Variants in LHFPL3 observed in about 807,000 individuals in gnomAD.
LHFPL3 encodes LHFPL tetraspan subfamily member 3.
In LHFPL3, 5 loss-of-function variants were observed where a neutral mutation model predicts 19.3. That is an observed-to-expected ratio of 0.26 (90% CI 0.14 to 0.54). The LOEUF (loss-of-function observed/expected upper bound fraction) is 0.54, where lower values mean the gene tolerates loss of function less well. Among genes scored for constraint, LHFPL3 ranks in the 20% least tolerant of loss-of-function variants. LHFPL3 has a pLI of 0.94. For missense variants in LHFPL3, 249 were observed against 307.4 expected, an observed-to-expected ratio of 0.81 and a Z score of 1.42; for synonymous variants, 133 against 126.2, an observed-to-expected ratio of 1.05 and a Z score of -0.36.
rs188497467 is a variant in LHFPL3 at position 104,556,002 on chromosome 7, C to T, written c.446-180673C>T. Among the ~76,000 whole-genome samples the T allele has an allele frequency of 2.0e-3, 305 of 152,330 alleles. 2 individuals carry two copies. Among genetic ancestry groups the T allele is most frequent in the Non-Finnish European group, 3.8e-3 (259 of 68,042 alleles). On this transcript the variant is annotated intron_variant, in intron 1 of 2. Coordinates refer to ENST00000424859, the MANE Select transcript of LHFPL3 (RefSeq NM_199000.3). ...TGATCTCCTTTGACTCCATGTCTCA[C>T]ATCCAGGTCACACTGATGCAAGAGG...
At position 104,565,790 on chromosome 7, in the gene LHFPL3, A is replaced by G. The variant is rs930575196; in HGVS notation, c.446-170885A>G. ...ATCTATCTAATCTATCTATCTGTCT[A>G]ATCTATCTATCATTCCCCACAATTT... is the stretch of plus-strand genomic sequence containing the variant. On this transcript the variant is annotated intron_variant, in intron 1 of 2. Transcript: ENST00000424859. 2.7e-5 allele frequency among the ~76,000 whole-genome samples: 4 copies of G among 149,692 alleles called. No individual in the cohort carries two copies. The East Asian group carries it at 7.9e-4, about 29-fold the overall frequency.
intron 1 of LHFPL3, among the ~76,000 whole-genome samples, chr7:104,343,087 C>A (rs1220418243): frequency 6.6e-6 from 1 of 150,788 alleles, no homozygotes; most frequent in Non-Finnish European, 1.5e-5. Flanking sequence ...TATGATAGAG[C>A]TATTCAAGAA....
chr7:104,782,269 G>T (rs909510347), intron 2 of LHFPL3, among the ~76,000 whole-genome samples: 1 of 152,184 alleles, frequency 6.6e-6, no homozygotes, highest in African/African-American at 2.4e-5. Flanking sequence ...TCACAATGCA[G>T]TTTAGCAATT....
chr7:104,379,724 G>T (rs189256897), intron 1 of LHFPL3, among the ~76,000 whole-genome samples: 4 of 152,246 alleles, frequency 2.6e-5, no homozygotes, highest in Admixed American at 6.5e-5. Flanking sequence ...GTGGAGAAAA[G>T]ATTTCACCTT....
At chr7:104,878,753 A>G (rs1159878806) in intron 2 of LHFPL3, among the ~76,000 whole-genome samples, 1 of 152,190 alleles carries the variant, frequency 6.6e-6, no homozygotes, top group Non-Finnish European at 1.5e-5. Flanking sequence ...AAAAGCTAGG[A>G]CCCTTGCACC....
chr7:104,538,392 A>G (rs1481507101), intron 1 of LHFPL3, among the ~76,000 whole-genome samples: 13 of 152,312 alleles, frequency 8.5e-5, no homozygotes, highest in Non-Finnish European at 7.4e-5. Context: ...AATATAGAAG[A>G]GACTGCCTCT....
intron 1 of LHFPL3, among the ~76,000 whole-genome samples, chr7:104,427,829 T>G (rs532976355): frequency 6.6e-6 from 1 of 152,208 alleles, no homozygotes; most frequent in Non-Finnish European, 1.5e-5. Context: ...ACAAGTAGCT[T>G]AAATGTTTCA....
intron 2 of LHFPL3, among the ~76,000 whole-genome samples, chr7:104,743,078 G>A (rs574870820): frequency 6.6e-5 from 10 of 152,198 alleles, no homozygotes; most frequent in South Asian, 6.2e-4. Flanking sequence ...CAGAGATCAC[G>A]CCACTGCACT....
chr7:104,535,200 G>A (rs1186796994), intron 1 of LHFPL3, among the ~76,000 whole-genome samples: 6 of 152,166 alleles, frequency 3.9e-5, no homozygotes, highest in East Asian at 3.8e-4. Context: ...GAAAACCTAG[G>A]AGAAAATGGA....
chr7:104,805,124 T>A (rs533786881), intron 2 of LHFPL3, among the ~76,000 whole-genome samples: 2 of 152,192 alleles, frequency 1.3e-5, no homozygotes, highest in African/African-American at 4.8e-5. Context: ...TCCTCTTGTA[T>A]CCCCTCACTT....
rs71155536 is a variant in LHFPL3 at position 104,898,006 on chromosome 7, CTTT to C, written c.683-8162_683-8160del. Among the ~76,000 whole-genome samples the C allele has an allele frequency of 1.0e-3, 99 of 96,802 alleles. 1 individual carries two copies. The highest frequency in any genetic ancestry group is 3.8e-3 in the African/African-American group (92 of 24,296). 63.5% of individuals were successfully genotyped at this position (96,802 alleles called of 152,430 possible). A position where few individuals can be genotyped will look rare whatever the true frequency, so the allele number is the denominator to read the frequency against. ...CTGCTGACAGAAAGAAATGTCACCC[CTTT>C]TTTTTTTTTTTTTTTTTTGATACAG... On this transcript the variant is annotated intron_variant, in intron 2 of 2. Transcript: ENST00000424859.
At chr7:104,555,917 G>A (rs1207639963) in intron 1 of LHFPL3, among the ~76,000 whole-genome samples, 1 of 152,192 alleles carries the variant, frequency 6.6e-6, no homozygotes, top group East Asian at 1.9e-4. Context: ...AAACAAAGGG[G>A]CTACAGGCCC....
At chr7:104,559,589 A>T (rs1789939850) in intron 1 of LHFPL3, among the ~76,000 whole-genome samples, 1 of 152,058 alleles carries the variant, frequency 6.6e-6, no homozygotes, top group African/African-American at 2.4e-5. Flanking sequence ...GGCTGAGACG[A>T]TGGGGTTTTA....
At chr7:104,605,445 A>G (rs1407715556) in intron 1 of LHFPL3, among the ~76,000 whole-genome samples, 3 of 152,256 alleles carry the variant, frequency 2.0e-5, no homozygotes, top group Non-Finnish European at 4.4e-5. Context: ...GTCTTTCAAA[A>G]TCATACGCAT....
At chr7:104,545,090 A>G (rs928511016) in intron 1 of LHFPL3, among the ~76,000 whole-genome samples, 1 of 152,176 alleles carries the variant, frequency 6.6e-6, no homozygotes, top group African/African-American at 2.4e-5. Context: ...TTGCCTTTGA[A>G]TGTTGTCCAA....
chr7:104,483,876 T>C (rs958948527), intron 1 of LHFPL3, among the ~76,000 whole-genome samples: 2 of 152,204 alleles, frequency 1.3e-5, no homozygotes, highest in East Asian at 1.9e-4. Flanking sequence ...CCTCCCACCT[T>C]GGCCTCCCAA....
chr7:104,878,250 G>T (rs1050381510), intron 2 of LHFPL3, among the ~76,000 whole-genome samples: 1 of 144,968 alleles, frequency 6.9e-6, no homozygotes. Flanking sequence ...TCACTTTATC[G>T]TGCTTTACAA....
intron 1 of LHFPL3, among the ~76,000 whole-genome samples, chr7:104,355,236 A>G (rs923331182): frequency 2.0e-5 from 3 of 151,966 alleles, no homozygotes; most frequent in African/African-American, 7.3e-5. Flanking sequence ...TCCCCACAAC[A>G]TCTCCTTTTC....
chr7:104,403,891 A>C (rs1359496983), intron 1 of LHFPL3, among the ~76,000 whole-genome samples: 1 of 152,234 alleles, frequency 6.6e-6, no homozygotes, highest in African/African-American at 2.4e-5. Flanking sequence ...TTACCTAAGA[A>C]GGAGTGTTAT....
Sources: gnomAD v4.1 joint callset for allele counts (sites outside exome capture counted in the v4.1 genomes callset) on GRCh38, gnomAD v4.1.1 for gene constraint, MANE v1.5 for transcripts, NCBI Gene and HGNC (gene_info 2026-07-23, HGNC 2026-07-21) for gene names.